The following JMJD1C variants were observed in gnomAD, a reference collection of about 807,000 sequenced individuals.
JMJD1C encodes the protein jumonji domain containing 1C, also known as jumonji domain-containing protein 1C.
In JMJD1C, 31 loss-of-function variants were observed where a neutral mutation model predicts 245.3. The observed-to-expected ratio is 0.13, with a 90% CI of 0.09 to 0.17. The LOEUF is 0.17. JMJD1C is among the 10% of genes least tolerant of loss of function. The probability of loss-of-function intolerance (pLI) is 1.00; values close to 1 mark genes in which losing one functional copy is unlikely to be tolerated. For synonymous variants in JMJD1C, 1,057 were observed against 1,017.4 expected (o/e 1.04, Z -0.74); for missense variants, 2,691 against 3,000.2 (o/e 0.90, Z 2.41).
At chr10:63,424,920 T>C (rs374333065) in intron 1 of JMJD1C, among the ~76,000 whole-genome samples, 3 of 151,984 alleles carry the variant, frequency 2.0e-5, no homozygotes, top group African/African-American at 4.8e-5. Flanking sequence ...ATGAGTAAGT[T>C]AGAAATCCTC....
At chr10:63,253,724 C>T (rs372622720) in intron 3 of JMJD1C, among the ~76,000 whole-genome samples, 3 of 152,194 alleles carry the variant, frequency 2.0e-5, no homozygotes, top group African/African-American at 4.8e-5. Context: ...GCACCAGGCG[C>T]GGTGGTATTT....
At chr10:63,477,553 C>CAAAAAAA (rs34332584) in intron 1 of JMJD1C, among the ~76,000 whole-genome samples, 5 of 126,676 alleles carry the variant, frequency 3.9e-5, no homozygotes, top group Non-Finnish European at 6.8e-5. Context: ...ATCCATATGT[C>CAAAAAAA]AAAAAAAAAA....
chr10:63,328,961 C>T (rs930539267), intron 2 of JMJD1C, among the ~76,000 whole-genome samples: 8 of 152,136 alleles, frequency 5.3e-5, no homozygotes, highest in East Asian at 1.9e-4. Flanking sequence ...ACTGTATTCA[C>T]GCACTGGAAA....
At chr10:63,323,638 T>C (rs927583330) in intron 2 of JMJD1C, among the ~76,000 whole-genome samples, 1 of 152,098 alleles carries the variant, frequency 6.6e-6, no homozygotes, top group Non-Finnish European at 1.5e-5. Context: ...GCCAGGTACA[T>C]AAAACTAAAA....
intron 10 of JMJD1C, chr10:63,204,356 T>C: frequency 1.0e-6 from 1 of 985,406 alleles, no homozygotes; most frequent in South Asian, 4.7e-5. Context: ...CTGGCCCTTT[T>C]CTTAGAACTC....
At chr10:63,320,838 A>C (rs1940763124) in intron 2 of JMJD1C, among the ~76,000 whole-genome samples, 1 of 152,106 alleles carries the variant, frequency 6.6e-6, no homozygotes, top group Admixed American at 6.6e-5. Context: ...TGTTCTAATG[A>C]GGCAATCTTG....
chr10:63,194,651 A>T (rs1589115774), intron 13 of JMJD1C: 1 of 304,792 alleles, frequency 3.3e-6, no homozygotes, highest in East Asian at 6.2e-5. Flanking sequence ...AAAAATTACC[A>T]GTCATTATTA....
At chr10:63,423,405 T>A (rs945406412) in intron 1 of JMJD1C, among the ~76,000 whole-genome samples, 9 of 152,226 alleles carry the variant, frequency 5.9e-5, no homozygotes, top group Admixed American at 3.3e-4. Flanking sequence ...TGGAATAATA[T>A]ATCTGTCCTT....
At chr10:63,283,758 ATTTTG>A (rs1857665278) in intron 2 of JMJD1C, among the ~76,000 whole-genome samples, 1 of 152,052 alleles carries the variant, frequency 6.6e-6, no homozygotes, top group African/African-American at 2.4e-5. Context: ...GTTAAACAAT[ATTTTG>A]TTTTAACTTT....
intron 3 of JMJD1C, among the ~76,000 whole-genome samples, chr10:63,221,052 A>G (rs1272376604): frequency 6.6e-6 from 1 of 150,766 alleles, no homozygotes; most frequent in Non-Finnish European, 1.5e-5. Flanking sequence ...GGCACTTGCA[A>G]TGGGCCGAGA....
rs911221994 is a variant in JMJD1C, at chr10:63,215,313, G to A, written c.965C>T (p.Pro322Leu). The A allele has an allele frequency of 1.2e-6, 2 of 1,613,316 alleles. No homozygotes were observed. The highest frequency in any genetic ancestry group is 1.7e-6 in the Non-Finnish European group (2 of 1,179,872). Reference protein sequence around the residue: ...NKRKGSDSSIPDEEKMKEEKY... With the variant: ...NKRKGSDSSILDEEKMKEEKY... ...TTCCTCCTTCATCTTCTCTTCATCT[G>A]GTATACTGCTATCTGAGCCCTTCCT... Residue 322 changes from proline to leucine, a missense_variant, in exon 7 of 26, where the codon CCA (proline) becomes CTA (leucine). By Grantham distance (98) the Pro-to-Leu change is moderately conservative (BLOSUM62 -3). Coordinates refer to ENST00000399262, the MANE Select transcript of JMJD1C (RefSeq NM_032776.3).
rs535450722 is a variant in JMJD1C at position 63,209,033 on chromosome 10, T to G, written c.2867+30A>C. The G allele has an allele frequency of 4.5e-6, 7 of 1,542,756 alleles. No individual in the cohort carries two copies. In the African/African-American group the frequency reaches 5.5e-5, roughly 12 times the overall value. Reference sequence around the variant, plus strand: ...ATTAAGAAAAATTATGAACAAGGTATTTATAATTTTTAAGCACTGGTGAAC... The same window carrying G: ...ATTAAGAAAAATTATGAACAAGGTAGTTATAATTTTTAAGCACTGGTGAAC... On this transcript the variant is annotated intron_variant, in intron 9 of 25. Transcript: ENST00000399262.
At chr10:63,431,904 C>G (rs1364782742) in intron 1 of JMJD1C, among the ~76,000 whole-genome samples, 1 of 152,104 alleles carries the variant, frequency 6.6e-6, no homozygotes, top group African/African-American at 2.4e-5. Flanking sequence ...CCCAACTAAT[C>G]GGGAGGCTGA....
At chr10:63,270,955 T>C (rs376689029) in intron 2 of JMJD1C, among the ~76,000 whole-genome samples, 24 of 152,186 alleles carry the variant, frequency 1.6e-4, no homozygotes, top group Admixed American at 4.6e-4. Context: ...CAGCGAAAAT[T>C]TGTAAGTTTC....
intron 3 of JMJD1C, among the ~76,000 whole-genome samples, chr10:63,259,812 G>A (rs1854461420): frequency 6.6e-6 from 1 of 152,178 alleles, no homozygotes; most frequent in Non-Finnish European, 1.5e-5. Context: ...TTAGTATTTA[G>A]TAAAGTACTG....
chr10:63,180,601 TTTTG>T (rs894613104), intron 22 of JMJD1C, among the ~76,000 whole-genome samples: 51 of 152,218 alleles, frequency 3.4e-4, no homozygotes, highest in African/African-American at 8.7e-4. Context: ...TCTGGTATCT[TTTTG>T]TTTGTTTGTT....
At chr10:63,315,039 C>T (rs1167813402) in intron 2 of JMJD1C, among the ~76,000 whole-genome samples, 1 of 151,344 alleles carries the variant, frequency 6.6e-6, no homozygotes, top group Non-Finnish European at 1.5e-5. Context: ...GTGCAACCTC[C>T]GCCTCCTGGA....
At chr10:63,474,730 A>G (rs2133163465) in intron 1 of JMJD1C, among the ~76,000 whole-genome samples, 1 of 152,300 alleles carries the variant, frequency 6.6e-6, no homozygotes, top group Non-Finnish European at 1.5e-5. Context: ...GACTGCAGGC[A>G]TGAGCCACCG....
At chr10:63,294,490 T>C (rs1164068227) in intron 2 of JMJD1C, among the ~76,000 whole-genome samples, 2 of 152,162 alleles carry the variant, frequency 1.3e-5, no homozygotes, top group Non-Finnish European at 2.9e-5. Context: ...TTCACCATGC[T>C]GGCCAGGATG....
Sources: gnomAD v4.1 joint callset for allele counts (sites outside exome capture counted in the v4.1 genomes callset) on GRCh38, gnomAD v4.1.1 for gene constraint, MANE v1.5 for transcripts, NCBI Gene and HGNC (gene_info 2026-07-23, HGNC 2026-07-21) for gene names.